The following NADK variants were observed in gnomAD, a reference collection of about 807,000 sequenced individuals.
The protein encoded by NADK is NAD kinase.
A neutral mutation model predicts 49.8 loss-of-function variants in NADK; 22 were observed. The ratio of observed to expected loss-of-function variants is 0.44; its 90% CI spans 0.32 to 0.63. The LOEUF (loss-of-function observed/expected upper bound fraction) is 0.63, where lower values mean the gene tolerates loss of function less well. Ranked by LOEUF, NADK falls within the 30% of genes least tolerant of loss-of-function variation. NADK has a pLI of 0.06. For missense variants in NADK, 438 were observed against 609.4 expected, an observed-to-expected ratio of 0.72 and a Z score of 2.96; for synonymous variants, 268 against 253.7, an observed-to-expected ratio of 1.06 and a Z score of -0.54.
At chr1:1,777,095 T>C (rs1311250737) in intron 1 of NADK, among the ~76,000 whole-genome samples, 3 of 152,134 alleles carry the variant, frequency 2.0e-5, no homozygotes, top group African/African-American at 4.8e-5. Context: ...CACACACATA[T>C]ACACACAGAA....
intron 2 of NADK, among the ~76,000 whole-genome samples, chr1:1,764,958 G>A (rs1037827643): frequency 2.6e-5 from 4 of 152,184 alleles, no homozygotes; most frequent in African/African-American, 4.8e-5. Flanking sequence ...CAGCGTAGGC[G>A]CCAGTTAGAT....
At chr1:1,778,937 C>G (rs539735136), upstream of NADK, 1 of 152,748 alleles carries the variant, frequency 6.5e-6, no homozygotes, top group Non-Finnish European at 1.5e-5. The surrounding 1 kb of genome is among the most constrained non-coding windows in gnomAD (Gnocchi z 4.9). Context: ...CGCCGCTTCC[C>G]TAATTACCGG....
At chr1:1,761,874 T>C (rs909809153) in intron 3 of NADK, 78 bp downstream of exon 3, 7 of 1,379,106 alleles carry the variant, frequency 5.1e-6, no homozygotes, top group Non-Finnish European at 6.2e-6. Context: ...CCCCATCCCA[T>C]GGCCCCCGGC....
intron 3 of NADK, among the ~76,000 whole-genome samples, chr1:1,761,208 G>C (rs945115666): frequency 1.3e-5 from 2 of 152,192 alleles, no homozygotes; most frequent in African/African-American, 4.8e-5. Flanking sequence ...GGCCAGGCTG[G>C]TCTTGAACTC....
Position 1,756,613 on chromosome 1 carries a change from A to T in NADK, c.394-5T>A, listed in dbSNP as rs1478365861. 1.9e-6 allele frequency: 3 copies of T among 1,614,048 alleles called. No homozygotes were observed. The highest frequency in any genetic ancestry group is 2.5e-6 in the Non-Finnish European group (3 of 1,180,026). ...CACATACACGATCATGTTCTCCTGG[A>T]AGCAAAGTGCCAACCTGCTCATTCC... On this transcript the variant is annotated splice_polypyrimidine_tract_variant and splice_region_variant and intron_variant, in intron 4 of 11. Transcript: ENST00000341426.
chr1:1,759,268 G>A (rs1301431432), intron 3 of NADK: 1 of 1,549,030 alleles, frequency 6.5e-7, no homozygotes, highest in South Asian at 1.2e-5. Context: ...ACCAGCCCTT[G>A]CAGGCACGCA....
In NADK at chr1:1,757,177, G is replaced by A. The variant is rs1395863965; in HGVS notation, c.393+4C>T. The A allele has an allele frequency of 2.5e-5, 15 of 592,840 alleles. No homozygotes were observed. Among genetic ancestry groups the A allele is most frequent in the Non-Finnish European group, 3.4e-5 (12 of 351,032 alleles). The allele number at this position is 592,840 out of a possible 1,614,324, so 36.7% of individuals were successfully genotyped here. A position where few individuals can be genotyped will look rare whatever the true frequency, so the allele number is the denominator to read the frequency against. On this transcript the variant is annotated splice_donor_region_variant and intron_variant, in intron 4 of 11. Coordinates refer to ENST00000341426, the MANE Select transcript of NADK (RefSeq NM_023018.5). ...CAGGCCCCCTTCCCCCCTGCCCCGC[G>A]TGCCTCCATGAGGTGCGTGCAGAGC...
In NADK at chr1:1,752,843, T is replaced by C; in HGVS notation, c.*61A>G. 6.4e-7 allele frequency: 1 copy of C among 1,559,932 alleles called. No homozygotes were observed. The highest frequency in any genetic ancestry group is 8.7e-7 in the Non-Finnish European group (1 of 1,147,254). ...GCGGTCACAGACACACGCAGATTGG[T>C]CTGTCCCCAGAGGGCGCTTGGAGGG... On this transcript the variant is annotated 3_prime_UTR_variant, in exon 12 of 12. Coordinates refer to ENST00000341426, the MANE Select transcript of NADK (RefSeq NM_023018.5).
At chr1:1,759,485 C>G (rs954949364) in intron 3 of NADK, among the ~76,000 whole-genome samples, 4 of 152,246 alleles carry the variant, frequency 2.6e-5, no homozygotes, top group African/African-American at 9.6e-5. Flanking sequence ...ACCTCCACAA[C>G]ACAGGCCCAC....
chr1:1,753,853 C>T (rs1268443586), intron 10 of NADK, among the ~76,000 whole-genome samples, 198 bp downstream of exon 10: 2 of 152,198 alleles, frequency 1.3e-5, no homozygotes, highest in East Asian at 3.9e-4. Flanking sequence ...AGACCCGGGC[C>T]CTGGGCACCT....
At chr1:1,765,182 G>A (rs181557484) in intron 2 of NADK, 46 bp downstream of exon 2, 8 of 1,494,874 alleles carry the variant, frequency 5.4e-6, no homozygotes. Flanking sequence ...AGAATATTAT[G>A]AAATCAGACG....
chr1:1,771,042 T>TAAAA (rs34422935), intron 1 of NADK, among the ~76,000 whole-genome samples: 8 of 130,502 alleles, frequency 6.1e-5, no homozygotes, highest in African/African-American at 2.1e-4. Flanking sequence ...TTTCATCTTA[T>TAAAA]AAAAAAAAAA....
At position 1,778,234 on chromosome 1, in the gene NADK, G is replaced by A. The variant is rs1218647562; in HGVS notation, c.-41+55C>T. The A allele has an allele frequency of 6.6e-6, 1 of 152,158 alleles. No individual in the cohort carries two copies. Among genetic ancestry groups the A allele is most frequent in the Non-Finnish European group, 1.5e-5 (1 of 68,038 alleles). The allele number at this position is 152,158 out of a possible 1,614,324, so 9.4% of individuals were successfully genotyped here. A position where few individuals can be genotyped will look rare whatever the true frequency, so the allele number is the denominator to read the frequency against. On this transcript the variant is annotated intron_variant, in intron 1 of 11. Coordinates refer to ENST00000341426, the MANE Select transcript of NADK (RefSeq NM_023018.5). The surrounding 1 kb of genome is among the most constrained non-coding windows in gnomAD (Gnocchi z 4.9). ...TGGCCGCGCGCTCGCGGGCAGCGATGACCCCAGGCAGCGGGCGACCCCAGG... is the reference window on the plus strand; with the variant it reads ...TGGCCGCGCGCTCGCGGGCAGCGATAACCCCAGGCAGCGGGCGACCCCAGG...
At chr1:1,757,130 C>T (rs1263219202) in intron 4 of NADK, 51 bp downstream of exon 4, 4 of 1,546,126 alleles carry the variant, frequency 2.6e-6, no homozygotes, top group East Asian at 4.9e-5. Context: ...GGATGGAGGC[C>T]CCCCCAACTC....
At chr1:1,758,339 A>C in intron 3 of NADK, 1 of 1,589,918 alleles carries the variant, frequency 6.3e-7, no homozygotes, top group Non-Finnish European at 8.6e-7. Context: ...ATCGCTTGTG[A>C]CCTTCGGAAG....
At chr1:1,771,422 T>C (rs1646049199) in intron 1 of NADK, among the ~76,000 whole-genome samples, 1 of 152,074 alleles carries the variant, frequency 6.6e-6, no homozygotes, top group Admixed American at 6.6e-5. Context: ...ATGTAAAGTA[T>C]CTAGACCAGC....
chr1:1,767,921 C>CT (rs1228046530), intron 1 of NADK, among the ~76,000 whole-genome samples: 4 of 152,124 alleles, frequency 2.6e-5, no homozygotes, highest in African/African-American at 9.7e-5. Context: ...ATCTGTAATC[C>CT]TAACACTGTG....
rs376047267 is a variant in NADK at position 1,759,746 on chromosome 1, C to T, written c.263+2206G>A. 9.9e-5 allele frequency: 154 copies of T among 1,554,622 alleles called. No homozygotes were observed. In the South Asian group the frequency reaches 1.3e-3, roughly 13 times the overall value. On this transcript the variant is annotated intron_variant, in intron 3 of 11. Transcript: ENST00000341426. ...CCCACAAACCCACCGCTTCCTCCTG[C>T]GGGGCTGTCTGGCCTCGGGCAGCTC... is the stretch of plus-strand genomic sequence containing the variant.
At chr1:1,773,165 G>T (rs1646102084) in intron 1 of NADK, among the ~76,000 whole-genome samples, 1 of 151,176 alleles carries the variant, frequency 6.6e-6, no homozygotes, top group African/African-American at 2.4e-5. Flanking sequence ...CCCAGACGAA[G>T]TCTCGCTCTT....
Sources: gnomAD v4.1 joint callset for allele counts (sites outside exome capture counted in the v4.1 genomes callset) on GRCh38, gnomAD v4.1.1 for gene constraint, Gnocchi (gnomAD v3.1) non-coding constraint, MANE v1.5 for transcripts, NCBI Gene and HGNC (gene_info 2026-07-23, HGNC 2026-07-21) for gene names.